The following RALGPS1 variants were observed in gnomAD, a reference collection of about 807,000 sequenced individuals.
The protein encoded by RALGPS1 is ras-specific guanine nucleotide-releasing factor RalGPS1.
A neutral mutation model predicts 78.8 loss-of-function variants in RALGPS1; 19 were observed. The observed-to-expected ratio is 0.24, with a 90% CI of 0.17 to 0.35. The LOEUF (loss-of-function observed/expected upper bound fraction) is 0.35, where lower values mean the gene tolerates loss of function less well. RALGPS1 is among the 10% of genes least tolerant of loss of function. RALGPS1 has a pLI of 1.00. For missense variants in RALGPS1, 454 were observed against 688.3 expected (o/e 0.66, Z 3.81); for synonymous variants, 228 against 256.3 (o/e 0.89, Z 1.06).
intron 1 of RALGPS1, among the ~76,000 whole-genome samples, chr9:126,939,754 G>C (rs526893): frequency 0.028 from 4,196 of 152,314 alleles, 51 homozygotes; most frequent in Middle Eastern, 0.048. Flanking sequence ...CATGACCCTC[G>C]CTTTACAGAG....
chr9:126,967,996 T>A (rs965889657), intron 3 of RALGPS1, among the ~76,000 whole-genome samples: 2 of 150,962 alleles, frequency 1.3e-5, no homozygotes, highest in African/African-American at 2.4e-5. Context: ...CTGAAAGAGT[T>A]CAATTCTTTT....
chr9:127,053,742 A>G (rs1045736148), intron 7 of RALGPS1, among the ~76,000 whole-genome samples: 2 of 152,126 alleles, frequency 1.3e-5, no homozygotes, highest in Non-Finnish European at 2.9e-5. Flanking sequence ...TCTGTTTCCT[A>G]CTTGGCTGGT....
chr9:126,915,284 CG>C (rs527525302), intron 1 of RALGPS1, among the ~76,000 whole-genome samples: 2,203 of 30,098 alleles, frequency 0.073, 75 homozygotes, highest in African/African-American at 0.19. Flanking sequence ...GGGGCGGGGC[CG>C]GGGGGGCAGT....
chr9:127,038,247 C>G (rs1276530777), intron 5 of RALGPS1, among the ~76,000 whole-genome samples: 2 of 152,200 alleles, frequency 1.3e-5, no homozygotes, highest in Non-Finnish European at 2.9e-5. Context: ...AGATACTATG[C>G]TAAGCATTTT....
intron 8 of RALGPS1, among the ~76,000 whole-genome samples, chr9:127,073,448 G>GTGTGTGTGTC (rs1564527219): frequency 2.2e-5 from 3 of 134,312 alleles, no homozygotes; most frequent in African/African-American, 9.0e-5. Flanking sequence ...GTACACCATT[G>GTGTGTGTGTC]TGTGTGTGTG....
At position 127,211,449 on chromosome 9, in the gene RALGPS1, T is replaced by C. The variant is rs887573372; in HGVS notation, c.1248-682T>C. Reference sequence around the variant, plus strand: ...TCCCCAGTGCATCCTTGGGATTGATTAGGTTGCAGGGGCATCCGAGAGGAA... The same window carrying C: ...TCCCCAGTGCATCCTTGGGATTGATCAGGTTGCAGGGGCATCCGAGAGGAA... On this transcript the variant is annotated intron_variant, in intron 14 of 18. Transcript: ENST00000259351. The surrounding 1 kb of genome is among the most constrained non-coding windows in gnomAD (Gnocchi z 5.0). Among the ~76,000 whole-genome samples the C allele has an allele frequency of 3.3e-5, 5 of 152,210 alleles. No homozygotes were observed. The highest frequency in any genetic ancestry group is 1.2e-4 in the African/African-American group (5 of 41,538).
chr9:127,129,350 A>G (rs1306557381), intron 8 of RALGPS1, among the ~76,000 whole-genome samples: 1 of 152,174 alleles, frequency 6.6e-6, no homozygotes, highest in Non-Finnish European at 1.5e-5. Flanking sequence ...AAATTTTTTA[A>G]AAATATTGTC....
At chr9:127,111,599 A>G (rs2054821851) in intron 8 of RALGPS1, among the ~76,000 whole-genome samples, 1 of 152,226 alleles carries the variant, frequency 6.6e-6, no homozygotes, top group South Asian at 2.1e-4. Flanking sequence ...AGGAGGGCCT[A>G]TGTGTGTATT....
chr9:127,137,732 T>C (rs916877678), intron 8 of RALGPS1, among the ~76,000 whole-genome samples: 1 of 152,220 alleles, frequency 6.6e-6, no homozygotes, highest in African/African-American at 2.4e-5. Flanking sequence ...TGCTGGGCAC[T>C]GGGGAGATAC....
At chr9:127,141,912 T>G (rs1327458330) in intron 8 of RALGPS1, among the ~76,000 whole-genome samples, 1 of 149,674 alleles carries the variant, frequency 6.7e-6, no homozygotes, top group Non-Finnish European at 1.5e-5. Flanking sequence ...GGTTATGTAT[T>G]CAATAAATTA....
At chr9:127,187,951 C>T (rs1026850225) in intron 11 of RALGPS1, among the ~76,000 whole-genome samples, 5 of 152,106 alleles carry the variant, frequency 3.3e-5, no homozygotes, top group African/African-American at 7.2e-5. Context: ...ATGCCCAGAC[C>T]CACCTGTGGC....
At chr9:127,092,064 T>C in intron 8 of RALGPS1, 1 of 1,187,440 alleles carries the variant, frequency 8.4e-7, no homozygotes, top group Non-Finnish European at 1.2e-6. Flanking sequence ...GAAGCAGACC[T>C]GGTTCAGACC....
intron 11 of RALGPS1, chr9:127,184,321 G>GTA: frequency 3.9e-6 from 1 of 259,082 alleles, no homozygotes. Flanking sequence ...CCTTGTCTCA[G>GTA]GAAAAAAAAA....
chr9:127,139,560 G>A (rs1423136491), intron 8 of RALGPS1, among the ~76,000 whole-genome samples: 9 of 152,252 alleles, frequency 5.9e-5, no homozygotes, highest in Non-Finnish European at 1.2e-4. Flanking sequence ...AGCAGCTGGG[G>A]TGGGGGTGTC....
At chr9:126,965,063 G>A (rs540706743) in intron 2 of RALGPS1, among the ~76,000 whole-genome samples, 2 of 152,162 alleles carry the variant, frequency 1.3e-5, no homozygotes, top group Admixed American at 1.3e-4. Flanking sequence ...AACATTCTGG[G>A]ATCCCCACAG....
At chr9:126,982,857 CCTT>C (rs369859904) in intron 4 of RALGPS1, among the ~76,000 whole-genome samples, 87 of 147,224 alleles carry the variant, frequency 5.9e-4, no homozygotes, top group Admixed American at 1.9e-3. Context: ...TCTTCCTCCT[CCTT>C]CTTCTTCTTC....
In RALGPS1 at chr9:127,034,446, G is replaced by A; in HGVS notation, c.232G>A (p.Gly78Arg). 6.2e-7 allele frequency: 1 copy of A among 1,614,110 alleles called. No individual in the cohort carries two copies. The highest frequency in any genetic ancestry group is 1.1e-5 in the South Asian group (1 of 91,088). The change falls in exon 5 of 19, where the codon GGA becomes AGA. Residue 78 changes from glycine to arginine, a missense_variant. Transcript: ENST00000259351. Reference sequence around the variant, plus strand: ...TGCTTCCTAGGAACTAGCCAGCTGTGGATGGAGTAAGAAGGAGAAACACAG... The same window carrying A: ...TGCTTCCTAGGAACTAGCCAGCTGTAGATGGAGTAAGAAGGAGAAACACAG... ...AIQPEELASC[G>R]WSKKEKHSLA...
chr9:127,008,304 A>G (rs535143285), intron 4 of RALGPS1, among the ~76,000 whole-genome samples: 1 of 152,204 alleles, frequency 6.6e-6, no homozygotes, highest in East Asian at 1.9e-4. Flanking sequence ...GGGCTATTCC[A>G]TGGACCTAAT....
chr9:126,939,189 C>A (rs1268621773), intron 1 of RALGPS1, among the ~76,000 whole-genome samples: 5 of 152,190 alleles, frequency 3.3e-5, no homozygotes, highest in Non-Finnish European at 7.4e-5. Flanking sequence ...TGTCAAGGCA[C>A]CTTCTCTCCT....
Sources: gnomAD v4.1 joint callset for allele counts (sites outside exome capture counted in the v4.1 genomes callset) on GRCh38, gnomAD v4.1.1 for gene constraint, Gnocchi (gnomAD v3.1) non-coding constraint, MANE v1.5 for transcripts, NCBI Gene and HGNC (gene_info 2026-07-23, HGNC 2026-07-21) for gene names.